Variants in FAM135B observed in about 807,000 individuals in gnomAD.
FAM135B encodes the protein protein FAM135B.
A neutral mutation model predicts 127.7 loss-of-function variants in FAM135B; 43 were observed. That is an observed-to-expected ratio of 0.34 (90% confidence interval 0.26 to 0.43). The LOEUF (loss-of-function observed/expected upper bound fraction) is 0.43. FAM135B is among the 20% of genes least tolerant of loss of function. The pLI, the probability that FAM135B is intolerant of heterozygous loss-of-function variation, is 1.00. For synonymous variants in FAM135B, 670 were observed against 665.1 expected, an observed-to-expected ratio of 1.01 and a Z score of -0.11; for missense variants, 1,558 against 1,725.6, an observed-to-expected ratio of 0.90 and a Z score of 1.72.
intron 18 of FAM135B, 84 bp downstream of exon 18, chr8:138,138,902 A>G (rs1342286240): frequency 2.2e-6 from 2 of 892,990 alleles, no homozygotes; most frequent in Non-Finnish European, 3.7e-6. Context: ...GAGTGAATCA[A>G]TGTAGCATTA....
chr8:138,417,639 C>T (rs1455964861), intron 1 of FAM135B, among the ~76,000 whole-genome samples: 2 of 152,114 alleles, frequency 1.3e-5, no homozygotes, highest in Non-Finnish European at 2.9e-5. Flanking sequence ...CCTCGAGAGG[C>T]CAGAGAGAAA....
chr8:138,189,149 A>AC (rs1815877291), intron 9 of FAM135B, among the ~76,000 whole-genome samples: 2 of 152,294 alleles, frequency 1.3e-5, no homozygotes, highest in African/African-American at 4.8e-5. Context: ...CTCCCCAGAG[A>AC]CTATGGTTGC....
In FAM135B at chr8:138,230,781, G is replaced by A. The variant is rs777669898; in HGVS notation, c.669+12161C>T. Among the ~76,000 whole-genome samples, 2 of 152,262 alleles carry A rather than the reference G, an allele frequency of 1.3e-5. 1 individual carries two copies. The highest frequency in any genetic ancestry group is 1.3e-4 in the Admixed American group (2 of 15,284). ...TTGCCCTACAGCACCAGAGGCCAAA[G>A]GGTTGATAACAGTCTTAAAGAGTCA... On this transcript the variant is annotated intron_variant, in intron 7 of 19. Transcript: ENST00000395297.
chr8:138,334,550 T>C (rs1828419859), intron 2 of FAM135B, among the ~76,000 whole-genome samples: 1 of 152,128 alleles, frequency 6.6e-6, no homozygotes, highest in South Asian at 2.1e-4. Context: ...TCCCAACCTC[T>C]ACCTTCCCAT....
intron 2 of FAM135B, among the ~76,000 whole-genome samples, chr8:138,351,213 C>A (rs1324518755): frequency 6.6e-6 from 1 of 152,110 alleles, no homozygotes; most frequent in Non-Finnish European, 1.5e-5. Flanking sequence ...AGTCCTAACT[C>A]CTAGTACCTC....
chr8:138,307,793 T>C (rs558935492), intron 3 of FAM135B, among the ~76,000 whole-genome samples: 1 of 151,696 alleles, frequency 6.6e-6, no homozygotes, highest in East Asian at 1.9e-4. Flanking sequence ...AAATCATTTA[T>C]TCCAACAAGA....
At chr8:138,489,070 C>T (rs1342564555) in intron 1 of FAM135B, among the ~76,000 whole-genome samples, 3 of 152,222 alleles carry the variant, frequency 2.0e-5, no homozygotes, top group Admixed American at 6.5e-5. Context: ...CTGCTACTCC[C>T]AGGTTCTCAG....
At position 138,178,234 on chromosome 8, in the gene FAM135B, C is replaced by G. The variant is rs990359227; in HGVS notation, c.1029+301G>C. Among the ~76,000 whole-genome samples, 3 of 146,646 alleles carry G rather than the reference C, an allele frequency of 2.0e-5. No homozygotes were observed. In the South Asian group the frequency reaches 6.6e-4, roughly 32 times the overall value. On this transcript the variant is annotated intron_variant, in intron 10 of 19. Coordinates refer to ENST00000395297, the MANE Select transcript of FAM135B (RefSeq NM_015912.4). ...CTGCACTCCAGTCTGGGTGACAGAG[C>G]GAGACACCATCTCAAAGAAAAAAAA...
chr8:138,310,845 C>A lies in FAM135B; in HGVS notation c.153G>T (p.Gln51His), dbSNP rs1202501860. The A allele has an allele frequency of 6.2e-7, 1 of 1,613,768 alleles. No individual in the cohort carries two copies. Among genetic ancestry groups the A allele is most frequent in the Non-Finnish European group, 8.5e-7 (1 of 1,179,894 alleles). Residue 51 changes from glutamine (Q) to histidine (H), a missense_variant, in exon 3 of 20, where the codon CAG (glutamine) becomes CAT (histidine). Physicochemically the swap from Gln to His is conservative, Grantham distance 24. This residue lies in a region of FAM135B where 199 missense variants were observed against 245.7 expected (regional missense o/e 0.81). Coordinates refer to ENST00000395297, the MANE Select transcript of FAM135B (RefSeq NM_015912.4). ...CATTGCCATTCTTCTGCTCACCTGT[C>A]TGCCCAGCGATGGAGGCACTCAGTC... ...PHRLSASIAG[Q>H]TESSSLHSAC...
At chr8:138,193,718 C>T (rs1248234526) in intron 9 of FAM135B, among the ~76,000 whole-genome samples, 1 of 152,188 alleles carries the variant, frequency 6.6e-6, no homozygotes, top group African/African-American at 2.4e-5. Flanking sequence ...GCCATCTCAC[C>T]AGAGAAGAGC....
intron 1 of FAM135B, among the ~76,000 whole-genome samples, chr8:138,480,825 T>C: frequency 6.6e-6 from 1 of 152,170 alleles, no homozygotes; most frequent in South Asian, 2.1e-4. Context: ...TGCCTCTAAG[T>C]TGGAATTTGG....
intron 1 of FAM135B, among the ~76,000 whole-genome samples, chr8:138,402,114 G>T (rs914084324): frequency 6.6e-6 from 1 of 152,092 alleles, no homozygotes; most frequent in Non-Finnish European, 1.5e-5. Flanking sequence ...CTTACGCAGA[G>T]AAAACAAAGA....
chr8:138,434,390 A>G (rs1474466062), intron 1 of FAM135B, among the ~76,000 whole-genome samples: 2 of 152,166 alleles, frequency 1.3e-5, no homozygotes, highest in East Asian at 3.9e-4. Context: ...TCTGTCCATG[A>G]CTGCTCTCCA....
chr8:138,243,916 C>T lies in FAM135B; in HGVS notation c.543-848G>A, dbSNP rs538170539. On this transcript the variant is annotated intron_variant, in intron 6 of 19. Coordinates refer to ENST00000395297, the MANE Select transcript of FAM135B (RefSeq NM_015912.4). This position sits in a 1 kb window ranked among gnomAD's most constrained non-coding sequence, Gnocchi z 7.5. The stretch of plus-strand genomic sequence containing the variant: ...ACTATATTCTAGGCATGTTTTAGTC[C>T]CTCAGTAAAATTTAAAGTCTCTGAT... 6.6e-5 allele frequency among the ~76,000 whole-genome samples: 10 copies of T among 151,514 alleles called. No individual in the cohort carries two copies. In the South Asian group the frequency reaches 1.3e-3, roughly 19 times the overall value.
chr8:138,345,829 G>C (rs1290568262), intron 2 of FAM135B, among the ~76,000 whole-genome samples: 3 of 152,190 alleles, frequency 2.0e-5, no homozygotes, highest in African/African-American at 7.2e-5. Context: ...TACTGCCTCA[G>C]TTTCTCCATC....
At chr8:138,207,055 T>C (rs1817747454) in intron 7 of FAM135B, among the ~76,000 whole-genome samples, 1 of 152,180 alleles carries the variant, frequency 6.6e-6, no homozygotes, top group African/African-American at 2.4e-5. Flanking sequence ...TATGGCTCTG[T>C]CCACATGCGA....
intron 1 of FAM135B, among the ~76,000 whole-genome samples, chr8:138,403,593 G>A (rs147137997): frequency 1.8e-4 from 27 of 152,302 alleles, no homozygotes; most frequent in African/African-American, 6.3e-4. Flanking sequence ...CTGCAGATAA[G>A]AAAACTGAGC....
intron 1 of FAM135B, among the ~76,000 whole-genome samples, chr8:138,392,989 G>T (rs921635970): frequency 3.3e-5 from 5 of 152,186 alleles, no homozygotes; most frequent in African/African-American, 1.2e-4. Flanking sequence ...TGGACTTAAA[G>T]TTCTGCATGG....
chr8:138,425,281 T>C (rs918487722), intron 1 of FAM135B, among the ~76,000 whole-genome samples: 3 of 152,150 alleles, frequency 2.0e-5, no homozygotes, highest in African/African-American at 7.2e-5. Flanking sequence ...TGGAAAAGAC[T>C]CAGAGCACTA....
Sources: gnomAD v4.1 joint callset for allele counts (sites outside exome capture counted in the v4.1 genomes callset) on GRCh38, gnomAD v4.1.1 for gene constraint, gnomAD v4.1.1 regional missense constraint, Gnocchi (gnomAD v3.1) non-coding constraint, MANE v1.5 for transcripts, NCBI Gene and HGNC (gene_info 2026-07-23, HGNC 2026-07-21) for gene names.